HOMER2: variants seen among roughly 807,000 people sequenced by gnomAD.
HOMER2 encodes the protein homer scaffold protein 2.
HOMER2 carries 27 observed loss-of-function variants against 47.0 expected under a neutral mutation model. The ratio of observed to expected loss-of-function variants is 0.57; its 90% CI spans 0.42 to 0.79. The LOEUF (loss-of-function observed/expected upper bound fraction) is 0.79. Ranked by LOEUF, HOMER2 falls within the 30% of genes least tolerant of loss-of-function variation. The pLI, the probability that HOMER2 is intolerant of heterozygous loss-of-function variation, is 0.00. For synonymous variants in HOMER2, 161 were observed against 163.8 expected, an observed-to-expected ratio of 0.98 and a Z score of 0.13; for missense variants, 443 against 435.0, an observed-to-expected ratio of 1.02 and a Z score of -0.16.
chr15:82,986,093 G>T (rs1275780719), upstream of HOMER2: 1 of 985,432 alleles, frequency 1.0e-6, no homozygotes, highest in Non-Finnish European at 1.2e-6. Flanking sequence ...ATCGAGCTCT[G>T]GGCGTTGTGC....
chr15:82,981,059 A>G (rs1004598939), intron 1 of HOMER2, among the ~76,000 whole-genome samples: 1 of 152,198 alleles, frequency 6.6e-6, no homozygotes, highest in Admixed American at 6.5e-5. Flanking sequence ...AGCAGCCAGT[A>G]AAGACGGAGA....
chr15:82,943,722 CAG>C (rs2054313219), intron 1 of HOMER2, among the ~76,000 whole-genome samples: 1 of 152,230 alleles, frequency 6.6e-6, no homozygotes, highest in Non-Finnish European at 1.5e-5. Flanking sequence ...AGATTACCCG[CAG>C]AACAAAAGGA....
rs761040702 is a variant in HOMER2, at chr15:82,859,045, T to A, written c.478A>T (p.Ile160Phe). 11 of 1,613,932 alleles carry A rather than the reference T, an allele frequency of 6.8e-6. No individual in the cohort carries two copies. The highest frequency in any genetic ancestry group is 9.3e-6 in the Non-Finnish European group (11 of 1,179,844). ...CAGCCTTACCTCTGCGTCAAGGCAA[T>A]CTTCAGCTTGTCATTCTCAGACTTC... The part of the protein sequence containing the change: ...HLKSENDKLK[I>F]ALTQSAANVK... The change falls in exon 5 of 9, where the codon ATT becomes TTT. Residue 160 changes from isoleucine (I) to phenylalanine (F), a missense_variant. By Grantham distance (21) the Ile-to-Phe change is conservative. Coordinates refer to ENST00000450735, the MANE Select transcript of HOMER2 (RefSeq NM_004839.4).
chr15:82,878,119 G>C (rs1005349963), intron 2 of HOMER2, among the ~76,000 whole-genome samples: 1 of 152,164 alleles, frequency 6.6e-6, no homozygotes, highest in South Asian at 2.1e-4. Flanking sequence ...TTTAAATCTT[G>C]CTGCTACTTC....
chr15:82,921,128 C>CTACAAAAAA (rs2053717681), intron 1 of HOMER2, among the ~76,000 whole-genome samples: 1 of 152,090 alleles, frequency 6.6e-6, no homozygotes, highest in Non-Finnish European at 1.5e-5. Context: ...AACCCCATCT[C>CTACAAAAAA]TACAAAAAAT....
intron 1 of HOMER2, among the ~76,000 whole-genome samples, chr15:82,969,143 C>T (rs1375345629): frequency 6.6e-6 from 1 of 152,188 alleles, no homozygotes; most frequent in Admixed American, 6.5e-5. Flanking sequence ...CTTAAAACTG[C>T]ACTGCATCGA....
intron 3 of HOMER2, among the ~76,000 whole-genome samples, chr15:82,873,479 A>G (rs957668190): frequency 5.3e-5 from 8 of 152,218 alleles, no homozygotes; most frequent in African/African-American, 9.6e-5. Context: ...CGTATCAGCC[A>G]GAAGTGGCAG....
Position 82,849,871 on chromosome 15 carries a change from G to A in HOMER2, c.876C>T (p.Asp292=). Residue 292 remains aspartate (D), a synonymous_variant, in exon 9 of 9, where the codon GAC becomes GAT. Coordinates refer to ENST00000450735, the MANE Select transcript of HOMER2 (RefSeq NM_004839.4). The part of the protein sequence containing the change: ...AAERDNQNLE[D]KVRSLKTDIE... ...TGTCTGTCTTTAAGGAACGCACTTT[G>A]TCTTCCAGGTTTTGATTGTCTCTCT... 3.7e-6 allele frequency: 6 copies of A among 1,613,906 alleles called. No homozygotes were observed. The highest frequency in any genetic ancestry group is 5.1e-6 in the Non-Finnish European group (6 of 1,179,820).
At chr15:82,867,317 A>G (rs775234573) in intron 3 of HOMER2, among the ~76,000 whole-genome samples, 1 of 152,068 alleles carries the variant, frequency 6.6e-6, no homozygotes, top group African/African-American at 2.4e-5. Flanking sequence ...AAAACCCACA[A>G]AAGTGACAGA....
At chr15:82,897,845 C>T (rs1383536655) in intron 1 of HOMER2, among the ~76,000 whole-genome samples, 1 of 152,220 alleles carries the variant, frequency 6.6e-6, no homozygotes, top group East Asian at 1.9e-4. Flanking sequence ...TCAGATGAGA[C>T]TCCAACCCTG....
At chr15:82,971,853 G>C (rs2030000151) in intron 1 of HOMER2, among the ~76,000 whole-genome samples, 1 of 152,156 alleles carries the variant, frequency 6.6e-6, no homozygotes, top group Non-Finnish European at 1.5e-5. Context: ...AGGTACATCA[G>C]GACACAGACT....
rs2051301478 is a variant in HOMER2, at chr15:82,849,094, A to C, written c.*621T>G. The C allele has an allele frequency of 6.8e-6, 1 of 146,868 alleles. No homozygotes were observed. Among genetic ancestry groups the C allele is most frequent in the South Asian group, 2.2e-4 (1 of 4,568 alleles). The allele number at this position is 146,868 out of a possible 1,614,324, so 9.1% of individuals were successfully genotyped here. ...ATCATCTGCTCAGAAATTAAAACCA[A>C]GAAAAGGAACACTGTTGCAACCGTA... On this transcript the variant is annotated 3_prime_UTR_variant, in exon 9 of 9. Coordinates refer to ENST00000450735, the MANE Select transcript of HOMER2 (RefSeq NM_004839.4).
intron 3 of HOMER2, among the ~76,000 whole-genome samples, chr15:82,866,008 T>C (rs2051953201): frequency 2.6e-5 from 4 of 152,162 alleles, no homozygotes; most frequent in Admixed American, 2.6e-4. Context: ...CACTGTCTAG[T>C]GGAGCTGTGA....
At chr15:82,954,125 C>T (rs1026279293), upstream of HOMER2, among the ~76,000 whole-genome samples, 1 of 151,938 alleles carries the variant, frequency 6.6e-6, no homozygotes, top group Admixed American at 6.6e-5. Flanking sequence ...ATAAAATAAT[C>T]TTGGGAGTTT....
At chr15:82,896,300 G>A (rs952087895) in intron 1 of HOMER2, among the ~76,000 whole-genome samples, 1 of 152,178 alleles carries the variant, frequency 6.6e-6, no homozygotes, top group African/African-American at 2.4e-5. Context: ...TGGAGGGGAA[G>A]GCACAGGGAG....
At chr15:82,963,115 G>A (rs114699389) in intron 1 of HOMER2, among the ~76,000 whole-genome samples, 1 of 152,122 alleles carries the variant, frequency 6.6e-6, no homozygotes, top group South Asian at 2.1e-4. Flanking sequence ...TTGTCTTCTT[G>A]TTGTTGTTGC....
intron 1 of HOMER2, among the ~76,000 whole-genome samples, chr15:82,911,391 A>G (rs1400982211): frequency 6.6e-6 from 1 of 152,144 alleles, no homozygotes; most frequent in Non-Finnish European, 1.5e-5. Flanking sequence ...CCCTAGTACC[A>G]CTTCTAGAAG....
downstream of HOMER2, chr15:82,836,021 GCTTT>G (rs1039085539): frequency 3.3e-5 from 5 of 152,212 alleles, no homozygotes; most frequent in African/African-American, 4.8e-5. Flanking sequence ...CTCAGAATTT[GCTTT>G]CTAAGGGCTG....
chr15:82,876,193 A>G (rs1056398131), intron 2 of HOMER2, among the ~76,000 whole-genome samples: 48 of 152,356 alleles, frequency 3.2e-4, no homozygotes, highest in African/African-American at 1.2e-3. Flanking sequence ...GGATAAACCC[A>G]GCTAGAAGCC....
Sources: allele counts gnomAD v4.1 joint callset (sites outside exome capture counted in the v4.1 genomes callset), GRCh38; gene constraint gnomAD v4.1.1; transcripts MANE v1.5; gene names NCBI Gene and HGNC (gene_info 2026-07-23, HGNC 2026-07-21).